Variants in RAB28 observed in about 807,000 individuals in gnomAD.
RAB28 encodes the protein RAB28, member RAS oncogene family.
Under a neutral mutation model 31.7 loss-of-function variants are expected in RAB28, and 24 were observed. The ratio of observed to expected loss-of-function variants is 0.76; its 90% confidence interval spans 0.55 to 1.06. The LOEUF (loss-of-function observed/expected upper bound fraction) is 1.06, where lower values mean the gene tolerates loss of function less well. RAB28 is among the 50% of genes least tolerant of loss of function. The pLI is 0.00. For synonymous variants in RAB28, 100 were observed against 90.4 expected, an observed-to-expected ratio of 1.11 and a Z score of -0.60; for missense variants, 254 against 258.5, an observed-to-expected ratio of 0.98 and a Z score of 0.12.
intron 3 of RAB28, among the ~76,000 whole-genome samples, chr4:13,465,296 G>A (rs1407361108): frequency 1.3e-5 from 2 of 151,332 alleles, no homozygotes; most frequent in Non-Finnish European, 2.9e-5. Context: ...AAGAATCTCA[G>A]AGAACACCAA....
chr4:13,457,040 A>G lies in RAB28; in HGVS notation c.391+3659T>C, dbSNP rs564048904. On this transcript the variant is annotated intron_variant, in intron 4 of 6. Coordinates refer to ENST00000330852, the MANE Select transcript of RAB28 (RefSeq NM_001017979.3). ...TACTAACTTTAACTAAAAGCTGGCT[A>G]CTGCTACCAGTATTTCCACAGCCTA... Among the ~76,000 whole-genome samples, 219 of 152,322 alleles carry G rather than the reference A, an allele frequency of 1.4e-3. 2 individuals are homozygous for G. Among genetic ancestry groups the G allele is most frequent in the African/African-American group, 5.1e-3 (210 of 41,566 alleles).
chr4:13,477,452 A>G (rs921037826), intron 2 of RAB28, among the ~76,000 whole-genome samples: 25 of 151,646 alleles, frequency 1.6e-4, no homozygotes, highest in African/African-American at 6.0e-4. Context: ...TGATACATTA[A>G]TCATCCTACA....
intron 1 of RAB28, 103 bp downstream of exon 1, chr4:13,483,973 C>A: frequency 8.7e-7 from 1 of 1,154,832 alleles, no homozygotes; most frequent in Non-Finnish European, 1.2e-6. Flanking sequence ...GCCTAGAAGC[C>A]CGAGGGCTCG....
At chr4:13,481,987 T>C (rs1412706081) in intron 1 of RAB28, among the ~76,000 whole-genome samples, 1 of 152,180 alleles carries the variant, frequency 6.6e-6, no homozygotes, top group Admixed American at 6.5e-5. Context: ...AAAAAAATTC[T>C]TGATTTAAGA....
At chr4:13,385,437 T>G (rs1406313465) in intron 4 of RAB28, among the ~76,000 whole-genome samples, 1 of 152,028 alleles carries the variant, frequency 6.6e-6, no homozygotes. Flanking sequence ...GGAAAAATGT[T>G]AAAAGCAGCT....
At chr4:13,405,227 A>G (rs1158793305) in intron 4 of RAB28, among the ~76,000 whole-genome samples, 2 of 152,190 alleles carry the variant, frequency 1.3e-5, no homozygotes, top group South Asian at 2.1e-4. Context: ...TTACTGGGGT[A>G]TATTACTAAA....
Position 13,419,448 on chromosome 4 carries a change from T to C in RAB28, c.392-37854A>G, listed in dbSNP as rs183826777. On this transcript the variant is annotated intron_variant, in intron 4 of 6. Transcript: ENST00000330852. ...CCACCCCAAATCAACAGAATATACA[T>C]TCTTCTCATCATCGCATTAAGCTTA... Among the ~76,000 whole-genome samples, 476 of 152,294 alleles carry C rather than the reference T, an allele frequency of 3.1e-3. 1 individual carries two copies. The highest frequency in any genetic ancestry group is 4.9e-3 in the Non-Finnish European group (331 of 68,022).
chr4:13,386,272 A>C (rs1304280784), intron 4 of RAB28, among the ~76,000 whole-genome samples: 2 of 152,192 alleles, frequency 1.3e-5, no homozygotes, highest in East Asian at 1.9e-4. Flanking sequence ...ACCTAATTAA[A>C]CTAAAGAACT....
intron 1 of RAB28, among the ~76,000 whole-genome samples, chr4:13,481,950 T>A (rs1031201488): frequency 7.2e-5 from 11 of 152,182 alleles, no homozygotes; most frequent in Admixed American, 5.9e-4. Flanking sequence ...GGCTGCCAAG[T>A]ATTTGAGAAC....
intron 4 of RAB28, chr4:13,460,012 C>A: frequency 1.4e-6 from 1 of 706,860 alleles, no homozygotes; most frequent in South Asian, 1.5e-5. Context: ...TAATAGACCA[C>A]GCATCAAAAC....
chr4:13,482,590 G>A (rs1375084402), intron 1 of RAB28, among the ~76,000 whole-genome samples: 1 of 152,094 alleles, frequency 6.6e-6, no homozygotes, highest in Non-Finnish European at 1.5e-5. Context: ...GAATAAAGGT[G>A]TTAGAAACAA....
intron 4 of RAB28, among the ~76,000 whole-genome samples, chr4:13,394,685 A>G (rs1388275189): frequency 6.6e-6 from 1 of 152,238 alleles, no homozygotes; most frequent in Non-Finnish European, 1.5e-5. Context: ...AAAGAAGTAT[A>G]ATAAGCAAGA....
chr4:13,436,347 C>T (rs1314415223), intron 4 of RAB28, among the ~76,000 whole-genome samples: 1 of 152,072 alleles, frequency 6.6e-6, no homozygotes, highest in Non-Finnish European at 1.5e-5. Flanking sequence ...TACTGGAAGT[C>T]CTAGCCAGAG....
At chr4:13,409,959 G>A (rs1188239543) in intron 4 of RAB28, among the ~76,000 whole-genome samples, 1 of 152,012 alleles carries the variant, frequency 6.6e-6, no homozygotes, top group East Asian at 1.9e-4. Flanking sequence ...TCATGGGAGT[G>A]GTTTCTAATA....
At chr4:13,392,977 C>T (rs1729706435) in intron 4 of RAB28, among the ~76,000 whole-genome samples, 1 of 152,080 alleles carries the variant, frequency 6.6e-6, no homozygotes, top group South Asian at 2.1e-4. Flanking sequence ...TATAGCAAGA[C>T]ATATTGTATG....
At chr4:13,443,762 C>T (rs1292294440) in intron 4 of RAB28, among the ~76,000 whole-genome samples, 2 of 152,118 alleles carry the variant, frequency 1.3e-5, no homozygotes, top group Non-Finnish European at 2.9e-5. Context: ...ACTGTAGTTA[C>T]CATGCTGTAC....
chr4:13,469,277 C>T (rs1357126334), intron 3 of RAB28, among the ~76,000 whole-genome samples: 1 of 152,016 alleles, frequency 6.6e-6, no homozygotes, highest in South Asian at 2.1e-4. Context: ...AATCCATCAC[C>T]ATGTCTCATG....
At chr4:13,388,777 A>G (rs1729496477) in intron 4 of RAB28, among the ~76,000 whole-genome samples, 1 of 152,086 alleles carries the variant, frequency 6.6e-6, no homozygotes, top group South Asian at 2.1e-4. Flanking sequence ...AAATATCACC[A>G]TTAAGGTGGC....
chr4:13,439,125 T>C (rs1305950726), intron 4 of RAB28, among the ~76,000 whole-genome samples: 1 of 152,244 alleles, frequency 6.6e-6, no homozygotes, highest in African/African-American at 2.4e-5. Context: ...ATTGAGTTAT[T>C]TGTCTTTATA....
Sources: gnomAD v4.1 joint callset for allele counts (sites outside exome capture counted in the v4.1 genomes callset) on GRCh38, gnomAD v4.1.1 for gene constraint, MANE v1.5 for transcripts, NCBI Gene and HGNC (gene_info 2026-07-23, HGNC 2026-07-21) for gene names.